The following VAC14 variants were observed in gnomAD, a reference collection of about 807,000 sequenced individuals.
The protein encoded by VAC14 is protein VAC14 homolog.
VAC14 carries 47 observed loss-of-function variants against 85.3 expected under a neutral mutation model. The observed-to-expected ratio is 0.55, with a 90% CI of 0.44 to 0.70. The LOEUF is 0.70. Ranked by LOEUF, VAC14 falls within the 30% of genes least tolerant of loss-of-function variation. The pLI is 0.00. For synonymous variants in VAC14, 447 were observed against 430.5 expected (o/e 1.04, Z -0.47); for missense variants, 861 against 1,004.3 (o/e 0.86, Z 1.93).
At chr16:70,702,731 G>A (rs2053853473) in intron 14 of VAC14, among the ~76,000 whole-genome samples, 1 of 152,238 alleles carries the variant, frequency 6.6e-6, no homozygotes, top group South Asian at 2.1e-4. Context: ...AGGGCAGAGG[G>A]TGTGAGAAGT....
intron 8 of VAC14, 109 bp from the exon 9 acceptor site, chr16:70,781,048 T>C: frequency 6.7e-7 from 1 of 1,492,770 alleles, no homozygotes; most frequent in Non-Finnish European, 9.1e-7. Flanking sequence ...TGGGAGGGGT[T>C]TCGGTCATGG....
At chr16:70,772,262 C>T in intron 9 of VAC14, 90 bp from the exon 10 acceptor site, 1 of 1,129,736 alleles carries the variant, frequency 8.9e-7, no homozygotes, top group Non-Finnish European at 1.3e-6. Context: ...ACAGAACTCT[C>T]CAGAGCCCCA....
chr16:70,779,417 G>A (rs1043130753), intron 9 of VAC14, among the ~76,000 whole-genome samples: 1 of 152,168 alleles, frequency 6.6e-6, no homozygotes, highest in Non-Finnish European at 1.5e-5. Context: ...AAAATTTCTT[G>A]ACAAATTAGC....
chr16:70,692,069 A>G (rs1228455392), intron 18 of VAC14: 12 of 981,152 alleles, frequency 1.2e-5, no homozygotes, highest in Non-Finnish European at 1.4e-5. Context: ...GAAATTTTCC[A>G]TCTCGGATGC....
intron 9 of VAC14, among the ~76,000 whole-genome samples, chr16:70,778,215 C>A (rs1054584842): frequency 6.6e-6 from 1 of 152,198 alleles, no homozygotes; most frequent in African/African-American, 2.4e-5. Context: ...ATAGGCTGCA[C>A]TGGCCGGGAA....
intron 14 of VAC14, among the ~76,000 whole-genome samples, chr16:70,721,129 A>G (rs1386749307): frequency 6.6e-6 from 1 of 152,232 alleles, no homozygotes; most frequent in East Asian, 1.9e-4. Context: ...GTTCACCGTC[A>G]AAGTGCCAGG....
intron 14 of VAC14, among the ~76,000 whole-genome samples, chr16:70,717,604 G>A (rs2054194377): frequency 6.6e-6 from 1 of 152,180 alleles, no homozygotes; most frequent in East Asian, 1.9e-4. Context: ...TAGTTGCTGG[G>A]TGGGTTGGGG....
chr16:70,720,450 T>C (rs563333266), intron 14 of VAC14, among the ~76,000 whole-genome samples: 10 of 152,102 alleles, frequency 6.6e-5, no homozygotes, highest in South Asian at 2.1e-4. Context: ...GCATGTGTTA[T>C]GTGGTAAGAA....
At chr16:70,716,475 T>A (rs2054169268) in intron 14 of VAC14, 2 of 152,320 alleles carry the variant, frequency 1.3e-5, no homozygotes, top group African/African-American at 4.8e-5. Context: ...GCTGGGCCCA[T>A]GTTGGCCTGG....
At chr16:70,699,515 G>A (rs1381496989) in intron 14 of VAC14, 1 of 152,270 alleles carries the variant, frequency 6.6e-6, no homozygotes, top group Non-Finnish European at 1.5e-5. Context: ...CTAGTTAAGA[G>A]TCGTTCAGGG....
At position 70,789,326 on chromosome 16, in the gene VAC14, C is replaced by T. The variant is rs535291122; in HGVS notation, c.105-2961G>A. On this transcript the variant is annotated intron_variant, in intron 1 of 18. Coordinates refer to ENST00000261776, the MANE Select transcript of VAC14 (RefSeq NM_018052.5). ...GGTCTGAAGGCAAATCAACTGGACA[C>T]GCACACCCTCCTGCTTCCTGCCTTC... is the stretch of plus-strand genomic sequence containing the variant. Among the ~76,000 whole-genome samples, 7 of 152,346 alleles carry T rather than the reference C, an allele frequency of 4.6e-5. No individual in the cohort carries two copies. In the East Asian group the frequency reaches 5.8e-4, roughly 13 times the overall value.
At chr16:70,710,166 C>A (rs924024011) in intron 14 of VAC14, among the ~76,000 whole-genome samples, 1 of 152,250 alleles carries the variant, frequency 6.6e-6, no homozygotes, top group African/African-American at 2.4e-5. Flanking sequence ...CAGCCAGGGC[C>A]ACAGAGGGGC....
chr16:70,695,692 CT>C, intron 16 of VAC14, 69 bp from the exon 17 acceptor site: 1 of 1,486,700 alleles, frequency 6.7e-7, no homozygotes, highest in Non-Finnish European at 9.3e-7. Flanking sequence ...ACCACACGCC[CT>C]CCCCCCCTGC....
At chr16:70,796,105 T>C (rs1015784703) in intron 1 of VAC14, among the ~76,000 whole-genome samples, 1 of 152,188 alleles carries the variant, frequency 6.6e-6, no homozygotes, top group Non-Finnish European at 1.5e-5. Flanking sequence ...CTAACCTGAC[T>C]GCCTTATCCT....
intron 13 of VAC14, among the ~76,000 whole-genome samples, chr16:70,735,144 C>A (rs1183741655): frequency 2.0e-5 from 3 of 152,080 alleles, no homozygotes; most frequent in Admixed American, 6.5e-5. Context: ...CACCTGGCCG[C>A]AGCTCTCTGG....
chr16:70,725,316 C>T lies in VAC14; in HGVS notation c.1661+6179G>A, dbSNP rs560239349. 2.5e-4 allele frequency among the ~76,000 whole-genome samples: 38 copies of T among 152,322 alleles called. No homozygotes were observed. In the South Asian group the frequency reaches 6.2e-3, roughly 25 times the overall value. On this transcript the variant is annotated intron_variant, in intron 14 of 18. Transcript: ENST00000261776. ...TTGGGAGGGGCGCCAGTGGTGCAGA[C>T]GGCCGGTGGCCTTGGACACCTTGGT...
At chr16:70,711,355 G>T (rs2054029828) in intron 14 of VAC14, among the ~76,000 whole-genome samples, 1 of 152,218 alleles carries the variant, frequency 6.6e-6, no homozygotes, top group African/African-American at 2.4e-5. Flanking sequence ...GGTGGCAGCA[G>T]GGCCTGGCTC....
Position 70,695,620 on chromosome 16 carries a change from C to A in VAC14, c.1959G>T (p.Gly653=), listed in dbSNP as rs764605476. The change falls in exon 17 of 19, where the codon GGG becomes GGT. Residue 653 remains glycine, a synonymous_variant. Coordinates refer to ENST00000261776, the MANE Select transcript of VAC14 (RefSeq NM_018052.5). ...RHAYDLIQKF[G]DLEVTVDFLA... ...GGAAGTCCACGGTGACCTCCAGGTC[C>A]CCACTGGGTGTGCAGTCAAGGAAAG... 24 of 1,613,482 alleles carry A rather than the reference C, an allele frequency of 1.5e-5. No homozygotes were observed. Among genetic ancestry groups the A allele is most frequent in the Non-Finnish European group, 1.9e-5 (23 of 1,179,690 alleles).
At chr16:70,735,027 C>G (rs2054706143) in intron 13 of VAC14, among the ~76,000 whole-genome samples, 1 of 152,046 alleles carries the variant, frequency 6.6e-6, no homozygotes. Flanking sequence ...GGAGGTGGTG[C>G]CTTGCTATGC....
Sources: allele counts gnomAD v4.1 joint callset (sites outside exome capture counted in the v4.1 genomes callset), GRCh38; gene constraint gnomAD v4.1.1; transcripts MANE v1.5; gene names NCBI Gene and HGNC (gene_info 2026-07-23, HGNC 2026-07-21).